The following PLEKHH1 variants were observed in gnomAD, a reference collection of about 807,000 sequenced individuals.
The protein encoded by PLEKHH1 is pleckstrin homology, MyTH4 and FERM domain containing H1, also known as pleckstrin homology domain-containing family H member 1.
In PLEKHH1, 104 loss-of-function variants were observed where a neutral mutation model predicts 160.0. The ratio of observed to expected loss-of-function variants is 0.65; its 90% CI spans 0.55 to 0.76. The LOEUF (loss-of-function observed/expected upper bound fraction) is 0.76, where lower values mean the gene tolerates loss of function less well. PLEKHH1 is among the 30% of genes least tolerant of loss of function. PLEKHH1 has a pLI of 0.00. For missense variants in PLEKHH1, 1,427 were observed against 1,724.1 expected (o/e 0.83, Z 3.05); for synonymous variants, 619 against 678.4 (o/e 0.91, Z 1.36).
intron 1 of PLEKHH1, among the ~76,000 whole-genome samples, chr14:67,534,347 G>A (rs1469456990): frequency 6.6e-6 from 1 of 152,176 alleles, no homozygotes; most frequent in Non-Finnish European, 1.5e-5. Context: ...GGGAAGCCAA[G>A]GCAGGAGGAG....
intron 1 of PLEKHH1, among the ~76,000 whole-genome samples, chr14:67,538,957 A>G (rs887289166): frequency 2.6e-5 from 4 of 152,228 alleles, no homozygotes; most frequent in Non-Finnish European, 5.9e-5. Context: ...CACTCTCCCA[A>G]TAGAATCTGA....
At chr14:67,544,299 G>A (rs2034090672) in intron 2 of PLEKHH1, among the ~76,000 whole-genome samples, 1 of 152,158 alleles carries the variant, frequency 6.6e-6, no homozygotes, top group Non-Finnish European at 1.5e-5. Flanking sequence ...CTGGTTTAAT[G>A]TTAGGATTTA....
chr14:67,573,084 C>T lies in PLEKHH1; in HGVS notation c.1729-192C>T, dbSNP rs2140477067. ...TGGGAGCCCTTCCTTGGCAGGACCA[C>T]CCATGTTTTATTTAGTCCTCTCTGA... On this transcript the variant is annotated intron_variant, in intron 11 of 28. Transcript: ENST00000329153. The surrounding 1 kb of genome is among the most constrained non-coding windows in gnomAD (Gnocchi z 4.8). Among the ~76,000 whole-genome samples, 1 of 152,302 alleles carries T rather than the reference C, an allele frequency of 6.6e-6. No individual in the cohort carries two copies. The highest frequency in any genetic ancestry group is 1.5e-5 in the Non-Finnish European group (1 of 68,030).
chr14:67,585,504 A>G, intron 26 of PLEKHH1, 64 bp from the exon 27 acceptor site: 1 of 1,124,878 alleles, frequency 8.9e-7, no homozygotes, highest in Non-Finnish European at 1.3e-6. Context: ...CTTTCTCAGA[A>G]AGTTATTATA....
chr14:67,573,943 A>G lies in PLEKHH1; in HGVS notation c.1926+56A>G, dbSNP rs1729431799. 3.1e-6 allele frequency: 4 copies of G among 1,310,524 alleles called. No homozygotes were observed. In the Admixed American group the frequency reaches 6.7e-5, roughly 22 times the overall value. The allele number at this position is 1,310,524 out of a possible 1,614,324, so 81.2% of individuals were successfully genotyped here. A position where few individuals can be genotyped will look rare whatever the true frequency, so the allele number is the denominator to read the frequency against. ...AACAGAAGAGGTGCTGGGTTTGGATATGGCCGTGAGTGAGACAAAGATGGG... is the reference window on the plus strand; with the variant it reads ...AACAGAAGAGGTGCTGGGTTTGGATGTGGCCGTGAGTGAGACAAAGATGGG... On this transcript the variant is annotated intron_variant, in intron 13 of 28. Coordinates refer to ENST00000329153, the MANE Select transcript of PLEKHH1 (RefSeq NM_020715.3). This position sits in a 1 kb window ranked among gnomAD's most constrained non-coding sequence, Gnocchi z 4.8.
At chr14:67,563,023 T>C in intron 7 of PLEKHH1, 129 bp downstream of exon 7, 1 of 906,564 alleles carries the variant, frequency 1.1e-6, no homozygotes, top group East Asian at 2.6e-5. Flanking sequence ...GGCAGGCAGG[T>C]ACCATGGAGC....
chr14:67,548,637 C>A (rs751765162), intron 2 of PLEKHH1, among the ~76,000 whole-genome samples: 1 of 152,112 alleles, frequency 6.6e-6, no homozygotes, highest in Non-Finnish European at 1.5e-5. Flanking sequence ...GCAGAGGTTG[C>A]GGTGAGCCAA....
chr14:67,552,307 G>A (rs183442219), intron 2 of PLEKHH1, among the ~76,000 whole-genome samples: 60 of 152,354 alleles, frequency 3.9e-4, no homozygotes, highest in African/African-American at 1.3e-3. Context: ...GCTTTGCAGA[G>A]CTCCAGGTGT....
chr14:67,548,864 C>T lies in PLEKHH1; in HGVS notation c.126+6871C>T, dbSNP rs531214122. Among the ~76,000 whole-genome samples the T allele has an allele frequency of 2.0e-5, 3 of 152,268 alleles. No homozygotes were observed. In the East Asian group the frequency reaches 5.8e-4, roughly 29 times the overall value. On this transcript the variant is annotated intron_variant, in intron 2 of 28. Transcript: ENST00000329153. The stretch of plus-strand genomic sequence containing the variant: ...CACCAGCCAAGGTTTTGGAGTATAA[C>T]TCAGTTTTTGATCTACCTACCAAAA...
intron 2 of PLEKHH1, among the ~76,000 whole-genome samples, chr14:67,545,547 A>G (rs1359260126): frequency 6.6e-6 from 1 of 152,242 alleles, no homozygotes; most frequent in Non-Finnish European, 1.5e-5. Context: ...CAAAAAAAGG[A>G]GTAAACAGAA....
chr14:67,571,736 G>A lies in PLEKHH1; in HGVS notation c.1435-16G>A. On this transcript the variant is annotated splice_polypyrimidine_tract_variant and intron_variant, in intron 9 of 28. Coordinates refer to ENST00000329153, the MANE Select transcript of PLEKHH1 (RefSeq NM_020715.3). ...TTGCAGCCTGAGCTGCAGTGAGGGA[G>A]GGGCCTGTCTTGCAGAGAGCTACAC... 6.2e-7 allele frequency: 1 copy of A among 1,606,530 alleles called. No homozygotes were observed.
At chr14:67,539,886 C>T (rs1032817324) in intron 1 of PLEKHH1, among the ~76,000 whole-genome samples, 3 of 152,106 alleles carry the variant, frequency 2.0e-5, no homozygotes, top group South Asian at 2.1e-4. Context: ...ACATGCCTGG[C>T]ATACAATAAA....
In PLEKHH1 at chr14:67,579,714, G is replaced by A. The variant is rs527596573; in HGVS notation, c.3028-7G>A. 3.3e-5 allele frequency: 53 copies of A among 1,611,412 alleles called. No individual in the cohort carries two copies. In the African/African-American group the frequency reaches 4.0e-4, roughly 12 times the overall value. ...CACTCAGGGTTGGAACTCTTCTCCC[G>A]CCTCAGGTGGTTGGTTTTGACGGCT... On this transcript the variant is annotated splice_polypyrimidine_tract_variant and splice_region_variant and intron_variant, in intron 21 of 28. Transcript: ENST00000329153.
chr14:67,577,832 T>C (rs943328683), intron 18 of PLEKHH1, among the ~76,000 whole-genome samples, 191 bp from the exon 19 acceptor site: 2 of 152,188 alleles, frequency 1.3e-5, no homozygotes, highest in Non-Finnish European at 2.9e-5. Flanking sequence ...AAAAGGAAAC[T>C]TCTATCCCAA....
intron 28 of PLEKHH1, chr14:67,586,434 G>C (rs1432588441): frequency 7.6e-7 from 1 of 1,313,572 alleles, no homozygotes; most frequent in African/African-American, 1.5e-5. Flanking sequence ...CAGTCCTCAA[G>C]GCAGGGCAGA....
intron 2 of PLEKHH1, among the ~76,000 whole-genome samples, chr14:67,542,824 C>T (rs932024627): frequency 2.0e-5 from 3 of 152,146 alleles, no homozygotes; most frequent in African/African-American, 7.2e-5. Flanking sequence ...CCTCAGCCTC[C>T]GGAGTAGCTG....
chr14:67,553,304 C>T (rs1200107836), intron 2 of PLEKHH1, among the ~76,000 whole-genome samples: 1 of 152,080 alleles, frequency 6.6e-6, no homozygotes, highest in Non-Finnish European at 1.5e-5. Context: ...CCTTCCCGTT[C>T]AGTATTTCAT....
chr14:67,574,162 C>G lies in PLEKHH1; in HGVS notation c.1927-80C>G. 2 of 1,309,284 alleles carry G rather than the reference C, an allele frequency of 1.5e-6. No homozygotes were observed. The highest frequency in any genetic ancestry group is 3.0e-5 in the South Asian group (2 of 66,066). The allele number at this position is 1,309,284 out of a possible 1,614,324, so 81.1% of individuals were successfully genotyped here. A position where few individuals can be genotyped will look rare whatever the true frequency, so the allele number is the denominator to read the frequency against. On this transcript the variant is annotated intron_variant, in intron 13 of 28. Transcript: ENST00000329153. The surrounding 1 kb of genome is among the most constrained non-coding windows in gnomAD (Gnocchi z 4.2). ...AAGGCCAGCCCCTTGGGTTCAGGGA[C>G]AGGTGCCACCTCGGAGCCAGGTCCT...
intron 1 of PLEKHH1, among the ~76,000 whole-genome samples, chr14:67,538,013 G>A (rs2033808430): frequency 6.6e-6 from 1 of 152,190 alleles, no homozygotes; most frequent in African/African-American, 2.4e-5. Context: ...CATAAGACTG[G>A]CCAACAGCTG....
Sources: gnomAD v4.1 joint callset for allele counts (sites outside exome capture counted in the v4.1 genomes callset) on GRCh38, gnomAD v4.1.1 for gene constraint, Gnocchi (gnomAD v3.1) non-coding constraint, MANE v1.5 for transcripts, NCBI Gene and HGNC (gene_info 2026-07-23, HGNC 2026-07-21) for gene names.